The following GLRA3 variants were observed in gnomAD, a reference collection of about 807,000 sequenced individuals.
The protein encoded by GLRA3 is glycine receptor subunit alpha-3.
GLRA3 carries 44 observed loss-of-function variants against 60.4 expected under a neutral mutation model. That is an observed-to-expected ratio of 0.73 (90% CI 0.57 to 0.94). GLRA3 has a LOEUF of 0.94. Among genes scored for constraint, GLRA3 ranks in the 40% least tolerant of loss-of-function variants. The pLI is 0.00. For synonymous variants in GLRA3, 223 were observed against 192.9 expected (o/e 1.16, Z -1.29); for missense variants, 508 against 564.6 (o/e 0.90, Z 1.02).
intron 3 of GLRA3, among the ~76,000 whole-genome samples, chr4:174,762,836 A>G (rs1231695639): frequency 6.6e-6 from 1 of 152,114 alleles, no homozygotes; most frequent in Non-Finnish European, 1.5e-5. Context: ...CAGATCAAAA[A>G]ATAGAACAAT....
At chr4:174,708,963 A>G (rs908759572) in intron 5 of GLRA3, among the ~76,000 whole-genome samples, 5 of 151,960 alleles carry the variant, frequency 3.3e-5, no homozygotes, top group Non-Finnish European at 7.4e-5. Flanking sequence ...GGCATAGTCT[A>G]GATCTTAATA....
intron 5 of GLRA3, among the ~76,000 whole-genome samples, chr4:174,695,063 C>T (rs1407034094): frequency 6.6e-6 from 1 of 151,892 alleles, no homozygotes; most frequent in Non-Finnish European, 1.5e-5. Context: ...TAACAACCTC[C>T]AAAATTGAAT....
chr4:174,668,346 C>T (rs758875993), intron 7 of GLRA3, among the ~76,000 whole-genome samples: 14 of 152,074 alleles, frequency 9.2e-5, no homozygotes, highest in East Asian at 3.9e-4. Context: ...TACTTTTGCA[C>T]GAACTTTTGA....
intron 4 of GLRA3, 122 bp from the exon 5 acceptor site, chr4:174,715,692 GC>G (rs1735893242): frequency 1.8e-6 from 1 of 541,260 alleles, no homozygotes; most frequent in African/African-American, 1.9e-5. Context: ...AATTTCTCCA[GC>G]TTATGTATCC....
intron 2 of GLRA3, among the ~76,000 whole-genome samples, chr4:174,769,207 T>C (rs1305754890): frequency 6.6e-6 from 1 of 152,108 alleles, no homozygotes; most frequent in East Asian, 1.9e-4. Flanking sequence ...ACAAAGAAGA[T>C]AAAGATTTAG....
At chr4:174,701,134 C>A (rs1391332240) in intron 5 of GLRA3, among the ~76,000 whole-genome samples, 1 of 152,162 alleles carries the variant, frequency 6.6e-6, no homozygotes, top group Non-Finnish European at 1.5e-5. Context: ...AAGTCAATGC[C>A]TGGCTTCAAA....
intron 4 of GLRA3, among the ~76,000 whole-genome samples, chr4:174,720,555 A>T (rs1029134662): frequency 3.9e-5 from 6 of 152,148 alleles, no homozygotes; most frequent in African/African-American, 1.4e-4. Flanking sequence ...GGGCTGGGAG[A>T]TATATTTCTC....
chr4:174,721,453 T>C (rs962698829), intron 4 of GLRA3, among the ~76,000 whole-genome samples: 1 of 150,014 alleles, frequency 6.7e-6, no homozygotes, highest in South Asian at 2.1e-4. Flanking sequence ...ATATAACATA[T>C]ATATACACAC....
intron 7 of GLRA3, among the ~76,000 whole-genome samples, chr4:174,659,635 A>G (rs1452554053): frequency 7.4e-6 from 1 of 134,476 alleles, no homozygotes; most frequent in Non-Finnish European, 1.7e-5. Context: ...TTTGCTATCT[A>G]TTTTGAAATA....
At chr4:174,799,567 A>T (rs1739725463) in intron 1 of GLRA3, among the ~76,000 whole-genome samples, 1 of 152,236 alleles carries the variant, frequency 6.6e-6, no homozygotes, top group Admixed American at 6.5e-5. Flanking sequence ...AAAATGGCGA[A>T]CTCACATGAG....
chr4:174,825,813 G>T (rs1233265041), intron 1 of GLRA3, among the ~76,000 whole-genome samples: 1 of 151,764 alleles, frequency 6.6e-6, no homozygotes, highest in Non-Finnish European at 1.5e-5. Context: ...CTAAAGTATA[G>T]ATGATACTTT....
intron 6 of GLRA3, among the ~76,000 whole-genome samples, chr4:174,679,798 G>A (rs1734273519): frequency 6.6e-6 from 1 of 152,146 alleles, no homozygotes; most frequent in African/African-American, 2.4e-5. Context: ...ATTCACATGT[G>A]GGAGCTAAAA....
chr4:174,737,149 A>G (rs1431100633), intron 3 of GLRA3, among the ~76,000 whole-genome samples: 2 of 152,222 alleles, frequency 1.3e-5, no homozygotes, highest in Non-Finnish European at 2.9e-5. Flanking sequence ...AAAGAAAAAA[A>G]GATTTATTTT....
chr4:174,654,782 C>T (rs1244331294), intron 9 of GLRA3, among the ~76,000 whole-genome samples: 1 of 152,044 alleles, frequency 6.6e-6, no homozygotes, highest in African/African-American at 2.4e-5. Context: ...CCATATCATG[C>T]ATACAGACAC....
intron 3 of GLRA3, among the ~76,000 whole-genome samples, chr4:174,740,775 C>T (rs1219318326): frequency 6.6e-6 from 1 of 152,224 alleles, no homozygotes; most frequent in Non-Finnish European, 1.5e-5. Flanking sequence ...ACCATCCCTA[C>T]ACCTATTCCC....
intron 2 of GLRA3, among the ~76,000 whole-genome samples, chr4:174,769,304 C>T (rs1311358903): frequency 1.3e-5 from 2 of 151,928 alleles, no homozygotes; most frequent in Non-Finnish European, 2.9e-5. Flanking sequence ...TGAAAAAAGG[C>T]TTGGTCTTTT....
chr4:174,721,903 GTATGTGTATA>G (rs1315528185), intron 4 of GLRA3, among the ~76,000 whole-genome samples: 2 of 151,668 alleles, frequency 1.3e-5, no homozygotes, highest in East Asian at 3.9e-4. Flanking sequence ...GTGTATGTGT[GTATGTGTATA>G]TATGTGTATA....
At chr4:174,697,144 CA>C (rs1421931559) in intron 5 of GLRA3, among the ~76,000 whole-genome samples, 1 of 152,042 alleles carries the variant, frequency 6.6e-6, no homozygotes, top group Non-Finnish European at 1.5e-5. Flanking sequence ...AGCACTTATT[CA>C]AAGGGAGAAT....
intron 5 of GLRA3, among the ~76,000 whole-genome samples, chr4:174,688,964 T>G (rs1199842562): frequency 6.6e-6 from 1 of 152,114 alleles, no homozygotes; most frequent in Non-Finnish European, 1.5e-5. Context: ...TGAGAGTATC[T>G]AATGGAATTG....
Sources: allele counts gnomAD v4.1 joint callset (sites outside exome capture counted in the v4.1 genomes callset), GRCh38; gene constraint gnomAD v4.1.1; transcripts MANE v1.5; gene names NCBI Gene and HGNC (gene_info 2026-07-23, HGNC 2026-07-21).